Variants in CPA6 observed in about 807,000 individuals in gnomAD.
CPA6 encodes the protein carboxypeptidase A6, also known as carboxypeptidase B.
CPA6 carries 58 observed loss-of-function variants against 63.3 expected under a neutral mutation model. The observed-to-expected ratio is 0.92, with a 90% CI of 0.74 to 1.14. The LOEUF (loss-of-function observed/expected upper bound fraction) is 1.14, where lower values mean the gene tolerates loss of function less well. Ranked by LOEUF, CPA6 falls within the 50% of genes most tolerant of loss-of-function variation. The pLI, the probability that CPA6 is intolerant of heterozygous loss-of-function variation, is 0.00. For missense variants in CPA6, 565 were observed against 526.6 expected (o/e 1.07, Z -0.71); for synonymous variants, 185 against 179.0 (o/e 1.03, Z -0.27).
chr8:67,682,309 C>T (rs75810078), intron 1 of CPA6, among the ~76,000 whole-genome samples: 3,985 of 152,208 alleles, frequency 0.026, 91 homozygotes, highest in Non-Finnish European at 0.042. Context: ...TCTGTCTTGT[C>T]TAATCTGCTA....
At position 67,636,947 on chromosome 8, in the gene CPA6, C is replaced by T. The variant is rs1447041012; in HGVS notation, c.117-12696G>A. ...ATAAGAGACAACTTGGCAGAACATG[C>T]TCTAGAGAGCTAAATGGATTCTCCC... On this transcript the variant is annotated intron_variant, in intron 1 of 10. Coordinates refer to ENST00000297770, the MANE Select transcript of CPA6 (RefSeq NM_020361.5). 2.0e-5 allele frequency among the ~76,000 whole-genome samples: 3 copies of T among 151,528 alleles called. 1 individual carries two copies. The highest frequency in any genetic ancestry group is 7.3e-5 in the African/African-American group (3 of 40,858).
chr8:67,559,768 A>C (rs1813157506), intron 2 of CPA6, among the ~76,000 whole-genome samples: 1 of 152,068 alleles, frequency 6.6e-6, no homozygotes, highest in African/African-American at 2.4e-5. Flanking sequence ...CATTCAGAGA[A>C]GGCAACAAGA....
chr8:67,443,488 T>A (rs925596612), intron 8 of CPA6, among the ~76,000 whole-genome samples: 21 of 151,774 alleles, frequency 1.4e-4, no homozygotes, highest in African/African-American at 5.1e-4. Flanking sequence ...AACTGTGAAG[T>A]TTTTTTTTAA....
intron 6 of CPA6, among the ~76,000 whole-genome samples, chr8:67,499,144 C>T (rs1811783870): frequency 6.6e-6 from 1 of 152,148 alleles, no homozygotes; most frequent in African/African-American, 2.4e-5. Context: ...TAGACATCCA[C>T]AGATCACTCT....
chr8:67,591,833 C>T (rs1378021806), intron 2 of CPA6, among the ~76,000 whole-genome samples: 1 of 152,186 alleles, frequency 6.6e-6, no homozygotes, highest in East Asian at 1.9e-4. Context: ...CATCTGCAAA[C>T]AGGGACAATT....
At chr8:67,446,258 C>A (rs2128954878) in intron 8 of CPA6, among the ~76,000 whole-genome samples, 1 of 143,562 alleles carries the variant, frequency 7.0e-6, no homozygotes, top group African/African-American at 2.6e-5. Flanking sequence ...GAGCGAGACT[C>A]CATCTAAAAA....
intron 1 of CPA6, among the ~76,000 whole-genome samples, chr8:67,683,396 C>T (rs1205143675): frequency 2.6e-5 from 4 of 152,184 alleles, no homozygotes; most frequent in South Asian, 2.1e-4. Flanking sequence ...TCCCTATCCT[C>T]AGGCTCTGCT....
At chr8:67,425,128 T>C (rs77860347) in intron 10 of CPA6, among the ~76,000 whole-genome samples, 136 of 152,352 alleles carry the variant, frequency 8.9e-4, no homozygotes, top group Non-Finnish European at 1.4e-3. Context: ...CTTATTATTT[T>C]GCCTCTTTAT....
At chr8:67,703,073 T>C (rs1167643491) in intron 1 of CPA6, among the ~76,000 whole-genome samples, 1 of 152,214 alleles carries the variant, frequency 6.6e-6, no homozygotes, top group Non-Finnish European at 1.5e-5. Context: ...GATTTTCTAT[T>C]GCTAACATAT....
At chr8:67,736,111 A>G (rs1374811801) in intron 1 of CPA6, among the ~76,000 whole-genome samples, 1 of 152,118 alleles carries the variant, frequency 6.6e-6, no homozygotes, top group Non-Finnish European at 1.5e-5. Context: ...TTACAGAGAA[A>G]GGAGAGGCAA....
intron 1 of CPA6, among the ~76,000 whole-genome samples, chr8:67,654,369 G>C (rs573845474): frequency 1.6e-4 from 24 of 152,300 alleles, no homozygotes; most frequent in Admixed American, 1.4e-3. Context: ...GAATCCGTCT[G>C]GTCCTGGACT....
At chr8:67,675,284 G>T (rs558983341) in intron 1 of CPA6, among the ~76,000 whole-genome samples, 1 of 152,158 alleles carries the variant, frequency 6.6e-6, no homozygotes, top group Non-Finnish European at 1.5e-5. Flanking sequence ...CTCTCCCAAC[G>T]CTGGGCTGGT....
At chr8:67,433,465 C>T (rs955367370) in intron 9 of CPA6, among the ~76,000 whole-genome samples, 3 of 152,126 alleles carry the variant, frequency 2.0e-5, no homozygotes, top group Admixed American at 1.3e-4. Flanking sequence ...TATGCCTGAA[C>T]GTCTGTTCAT....
intron 1 of CPA6, among the ~76,000 whole-genome samples, chr8:67,632,185 TTCTC>T (rs1815355305): frequency 6.7e-6 from 1 of 149,292 alleles, no homozygotes; most frequent in East Asian, 2.0e-4. Flanking sequence ...TGTGTGTGTT[TTCTC>T]AGAGACAGTC....
At chr8:67,667,027 A>G (rs1487690930) in intron 1 of CPA6, among the ~76,000 whole-genome samples, 1 of 152,100 alleles carries the variant, frequency 6.6e-6, no homozygotes, top group Admixed American at 6.6e-5. Context: ...TACTGTCTGC[A>G]GTGTTGGGTA....
intron 2 of CPA6, among the ~76,000 whole-genome samples, chr8:67,573,048 A>G (rs1486957463): frequency 1.3e-5 from 2 of 152,250 alleles, no homozygotes; most frequent in African/African-American, 4.8e-5. Context: ...TAAATGCAAA[A>G]AATGCATTTG....
chr8:67,535,227 T>C (rs909349508), intron 2 of CPA6, among the ~76,000 whole-genome samples: 1 of 152,202 alleles, frequency 6.6e-6, no homozygotes, highest in Non-Finnish European at 1.5e-5. Context: ...TACCCAGTAA[T>C]GGAATTGCTG....
chr8:67,627,592 T>C (rs1459901263), intron 1 of CPA6, among the ~76,000 whole-genome samples: 1 of 152,204 alleles, frequency 6.6e-6, no homozygotes, highest in East Asian at 1.9e-4. Flanking sequence ...TATGCACATA[T>C]ATTTCTAACT....
At chr8:67,575,253 G>A (rs1813593425) in intron 2 of CPA6, among the ~76,000 whole-genome samples, 3 of 152,222 alleles carry the variant, frequency 2.0e-5, no homozygotes, top group South Asian at 4.1e-4. Flanking sequence ...TGGCTAGGGT[G>A]TGGAGAAAAG....
Sources: allele counts gnomAD v4.1 joint callset (sites outside exome capture counted in the v4.1 genomes callset), GRCh38; gene constraint gnomAD v4.1.1; transcripts MANE v1.5; gene names NCBI Gene and HGNC (gene_info 2026-07-23, HGNC 2026-07-21).